THOC1: variants seen among roughly 807,000 people sequenced by gnomAD.
The protein encoded by THOC1 is THO complex subunit 1.
A neutral mutation model predicts 97.3 loss-of-function variants in THOC1; 29 were observed. That is an observed-to-expected ratio of 0.30 (90% CI 0.22 to 0.41). The LOEUF (loss-of-function observed/expected upper bound fraction) is 0.41, where lower values mean the gene tolerates loss of function less well. Among genes scored for constraint, THOC1 ranks in the 10% least tolerant of loss-of-function variants. THOC1 has a pLI of 1.00. For missense variants in THOC1, 529 were observed against 761.9 expected, an observed-to-expected ratio of 0.69 and a Z score of 3.60; for synonymous variants, 255 against 257.0, an observed-to-expected ratio of 0.99 and a Z score of 0.07.
Position 225,110 on chromosome 18 carries a change from T to A in THOC1, c.1116A>T (p.Glu372Asp). The change falls in exon 14 of 21, where the codon GAA becomes GAT. Residue 372 changes from glutamate to aspartate, a missense_variant. By Grantham distance (45) the Glu-to-Asp change is conservative. Transcript: ENST00000261600. ...QLLSENPPDG[E>D]RFSKMVEHIL... Reference sequence around the variant, plus strand: ...ATACCTCTACCATCTTTGAAAATCTTTCTCCATCGGGGGGGTTTTCAGATA... The same window carrying A: ...ATACCTCTACCATCTTTGAAAATCTATCTCCATCGGGGGGGTTTTCAGATA... 1 of 1,577,714 alleles carries A rather than the reference T, an allele frequency of 6.3e-7. No homozygotes were observed. Among genetic ancestry groups the A allele is most frequent in the East Asian group, 2.3e-5 (1 of 43,968 alleles).
intron 17 of THOC1, among the ~76,000 whole-genome samples, chr18:220,249 T>C (rs1044586486): frequency 5.9e-5 from 9 of 152,148 alleles, no homozygotes; most frequent in African/African-American, 2.2e-4. Flanking sequence ...AAACTTCCAC[T>C]GCAACCCACA....
chr18:224,923 CCTTT>C lies in THOC1; in HGVS notation c.1205_1208del (p.Arg403HisfsTer9). ...TTACCTTTCTTTCAGTATGTATTTA[CCTTT>C]CTTTCACAAAACTTGGGCAACCTTC... On this transcript the variant is annotated frameshift_variant and splice_region_variant, in exon 15 of 21. Coordinates refer to ENST00000261600, the MANE Select transcript of THOC1 (RefSeq NM_005131.3). LOFTEE classifies it high-confidence loss of function. 1 of 1,566,900 alleles carries C rather than the reference CCTTT, an allele frequency of 6.4e-7. No individual in the cohort carries two copies. The highest frequency in any genetic ancestry group is 8.7e-7 in the Non-Finnish European group (1 of 1,153,640).
chr18:237,204 G>GGCTGGA (rs1190563842), intron 11 of THOC1, among the ~76,000 whole-genome samples: 3 of 147,666 alleles, frequency 2.0e-5, no homozygotes, highest in Non-Finnish European at 4.4e-5. Context: ...CTGTTACCCA[G>GGCTGGA]GCTGGAGTGC....
intron 11 of THOC1, among the ~76,000 whole-genome samples, chr18:229,840 A>G (rs929854137): frequency 2.6e-5 from 4 of 151,878 alleles, no homozygotes; most frequent in Admixed American, 1.3e-4. Flanking sequence ...TTACTCTTCA[A>G]TCTTCTCCTC....
At chr18:221,645 G>T (rs1425319152) in intron 17 of THOC1, among the ~76,000 whole-genome samples, 1 of 117,376 alleles carries the variant, frequency 8.5e-6, no homozygotes. Flanking sequence ...GTCTCGCTCT[G>T]TCGCCCAGGC....
Position 267,793 on chromosome 18 carries a change from G to C in THOC1, c.54+173C>G, listed in dbSNP as rs867847202. 5.3e-5 allele frequency among the ~76,000 whole-genome samples: 8 copies of C among 152,280 alleles called. No individual in the cohort carries two copies. The South Asian group carries it at 1.2e-3, about 24-fold the overall frequency. On this transcript the variant is annotated intron_variant, in intron 1 of 20. Coordinates refer to ENST00000261600, the MANE Select transcript of THOC1 (RefSeq NM_005131.3). Reference sequence around the variant, plus strand: ...CGGACGGCCCAGCCCACAAAGAAGAGGCGGGTAGTGCGTCTTTCCCTACCC... The same window carrying C: ...CGGACGGCCCAGCCCACAAAGAAGACGCGGGTAGTGCGTCTTTCCCTACCC...
chr18:256,150 C>G (rs1912429185), intron 7 of THOC1, among the ~76,000 whole-genome samples: 1 of 152,192 alleles, frequency 6.6e-6, no homozygotes, highest in African/African-American at 2.4e-5. Flanking sequence ...AGGGTTATTT[C>G]AGCTTTCAAG....
chr18:255,444 T>C (rs561612808), intron 7 of THOC1, among the ~76,000 whole-genome samples: 22 of 152,324 alleles, frequency 1.4e-4, no homozygotes, highest in Admixed American at 1.4e-3. Flanking sequence ...GTGGTCTGGA[T>C]AGACAAGCAA....
chr18:220,678 A>G (rs1333619480), intron 17 of THOC1, among the ~76,000 whole-genome samples: 1 of 152,150 alleles, frequency 6.6e-6, no homozygotes, highest in African/African-American at 2.4e-5. Flanking sequence ...AGGTTTATTA[A>G]GGTTTCTACT....
intron 17 of THOC1, among the ~76,000 whole-genome samples, chr18:222,327 A>G (rs887409799): frequency 6.6e-6 from 1 of 152,200 alleles, no homozygotes; most frequent in Non-Finnish European, 1.5e-5. Flanking sequence ...CCTTTCTGCA[A>G]TTTACTCCTT....
At chr18:251,654 C>T (rs1235417264) in intron 9 of THOC1, among the ~76,000 whole-genome samples, 1 of 152,134 alleles carries the variant, frequency 6.6e-6, no homozygotes, top group Non-Finnish European at 1.5e-5. Flanking sequence ...TCTAGGTAGT[C>T]AGATTCCCTC....
chr18:246,227 A>G, intron 11 of THOC1, 97 bp downstream of exon 11: 6 of 979,088 alleles, frequency 6.1e-6, no homozygotes, highest in Non-Finnish European at 9.0e-6. Context: ...AAAATAAGAA[A>G]CATTTCTATT....
At position 254,287 on chromosome 18, in the gene THOC1, T is replaced by G; in HGVS notation, c.589A>C (p.Thr197Pro). ...TVFNTNEQES[T>P]LGQKHTEDRE... ...ATCAGCCTCACCTTCTGACCCAGGG[T>G]GCTTTCCTGCTCATTTGTATTGAAA... Residue 197 changes from threonine to proline, a missense_variant, in exon 8 of 21, where the codon ACC (threonine) becomes CCC (proline). Around this residue, in one of 8 missense-constraint regions of THOC1, gnomAD observed 92 missense variants for 127.0 expected, o/e 0.72. Coordinates refer to ENST00000261600, the MANE Select transcript of THOC1 (RefSeq NM_005131.3). The surrounding 1 kb of genome is among the most constrained non-coding windows in gnomAD (Gnocchi z 4.1). The G allele has an allele frequency of 6.3e-7, 1 of 1,581,908 alleles. No homozygotes were observed. The highest frequency in any genetic ancestry group is 1.8e-5 in the Admixed American group (1 of 55,210).
At position 252,510 on chromosome 18, in the gene THOC1, A is replaced by G. The variant is rs577864076; in HGVS notation, c.677+29T>C. 3.2e-6 allele frequency: 5 copies of G among 1,559,364 alleles called. No individual in the cohort carries two copies. The South Asian group carries it at 5.6e-5, about 17-fold the overall frequency. ...ATAAATTAGGAGATTATCTCTGTAA[A>G]TCAAAAAGCTTAGGCTCTGAAAACT... On this transcript the variant is annotated intron_variant, in intron 9 of 20. Transcript: ENST00000261600.
intron 8 of THOC1, among the ~76,000 whole-genome samples, chr18:253,635 C>T (rs1372183683): frequency 6.6e-6 from 1 of 151,718 alleles, no homozygotes; most frequent in African/African-American, 2.4e-5. Context: ...AAAAAATAAC[C>T]CAATGTTTAA....
intron 11 of THOC1, among the ~76,000 whole-genome samples, chr18:237,157 ATTTTT>A (rs763933161): frequency 7.9e-6 from 1 of 126,302 alleles, no homozygotes; most frequent in Non-Finnish European, 1.7e-5. Context: ...CATGTACTGG[ATTTTT>A]TTTTTTTTTT....
chr18:231,201 G>C (rs1449809827), intron 11 of THOC1, among the ~76,000 whole-genome samples: 1 of 152,092 alleles, frequency 6.6e-6, no homozygotes, highest in Non-Finnish European at 1.5e-5. Context: ...CTCCCGCCCT[G>C]GTCTCCTAAA....
At chr18:261,106 T>C (rs184881986) in intron 4 of THOC1, 1 of 152,332 alleles carries the variant, frequency 6.6e-6, no homozygotes, top group Non-Finnish European at 1.5e-5. Flanking sequence ...AAAATAACAG[T>C]ATTGTTTCAG....
At chr18:231,831 T>C (rs1911495742) in intron 11 of THOC1, among the ~76,000 whole-genome samples, 2 of 152,208 alleles carry the variant, frequency 1.3e-5, no homozygotes, top group African/African-American at 4.8e-5. Context: ...TGGATGTACT[T>C]TGCACTGTTT....
Sources: allele counts gnomAD v4.1 joint callset (sites outside exome capture counted in the v4.1 genomes callset), GRCh38; gene constraint gnomAD v4.1.1; regional missense constraint gnomAD v4.1.1; non-coding constraint Gnocchi (gnomAD v3.1); transcripts MANE v1.5; gene names NCBI Gene and HGNC (gene_info 2026-07-23, HGNC 2026-07-21).